Variants in RANBP2 observed in about 807,000 individuals in gnomAD.
RANBP2 encodes the protein RAN binding protein 2.
A neutral mutation model predicts 303.6 loss-of-function variants in RANBP2; 57 were observed. That is an observed-to-expected ratio of 0.19 (90% CI 0.15 to 0.23). RANBP2 has a LOEUF of 0.23. RANBP2 is among the 10% of genes least tolerant of loss of function. The pLI is 1.00. For missense variants in RANBP2, 3,138 were observed against 3,780.8 expected (o/e 0.83, Z 4.46); for synonymous variants, 1,167 against 1,301.5 (o/e 0.90, Z 2.23).
downstream of RANBP2, chr2:108,786,794 C>G (rs764575365): frequency 7.0e-5 from 109 of 1,563,128 alleles, no homozygotes; most frequent in Non-Finnish European, 7.8e-5. Flanking sequence ...ACGCGGTTCC[C>G]GGGGAGACTG....
the RANBP2 span, among the ~76,000 whole-genome samples, chr2:108,819,959 C>A: frequency 6.6e-6 from 1 of 152,070 alleles, no homozygotes; most frequent in Non-Finnish European, 1.5e-5. Flanking sequence ...GAAAATGATG[C>A]AAGAACAAAG....
chr2:109,360,285 A>C, the RANBP2 span, among the ~76,000 whole-genome samples: 40 of 152,304 alleles, frequency 2.6e-4, no homozygotes, highest in African/African-American at 9.4e-4. Flanking sequence ...TGTGTGAATA[A>C]TTGTAAGAAA....
the RANBP2 span, among the ~76,000 whole-genome samples, chr2:109,463,066 A>G: frequency 0.011 from 1,648 of 152,344 alleles, 38 homozygotes; most frequent in African/African-American, 0.038. Flanking sequence ...AAGAAGACCT[A>G]ACCTGTAAAT....
the RANBP2 span, among the ~76,000 whole-genome samples, chr2:109,189,534 A>G: frequency 6.6e-6 from 1 of 151,820 alleles, no homozygotes; most frequent in Non-Finnish European, 1.5e-5. Context: ...ACGCCCAGCT[A>G]ATTTTTGTAT....
In RANBP2 at chr2:108,770,141, T is replaced by A. The variant is rs1299535865; in HGVS notation, c.7850-1560T>A. 2.0e-5 allele frequency among the ~76,000 whole-genome samples: 3 copies of A among 152,238 alleles called. 1 individual carries two copies. Among genetic ancestry groups the A allele is most frequent in the Non-Finnish European group, 4.4e-5 (3 of 68,044 alleles). On this transcript the variant is annotated intron_variant, in intron 20 of 28. Transcript: ENST00000283195. The stretch of plus-strand genomic sequence containing the variant: ...AAGAATGAATGTGCCTATATACTAC[T>A]GTAGAACATAGAGCCTTATTTTGTT...
the RANBP2 span, among the ~76,000 whole-genome samples, chr2:109,408,876 T>C: frequency 2.0e-5 from 3 of 152,184 alleles, no homozygotes; most frequent in Non-Finnish European, 2.9e-5. Flanking sequence ...GTCCAGGGCC[T>C]TCCTACCATC....
the RANBP2 span, among the ~76,000 whole-genome samples, chr2:109,724,410 T>C: frequency 1.3e-3 from 205 of 152,286 alleles, no homozygotes; most frequent in African/African-American, 4.7e-3. Context: ...GCATGGAATG[T>C]TTTTCCATTT....
the RANBP2 span, among the ~76,000 whole-genome samples, chr2:109,721,101 C>G: frequency 6.6e-6 from 1 of 152,218 alleles, no homozygotes; most frequent in Non-Finnish European, 1.5e-5. Flanking sequence ...AACTGCATTT[C>G]TGGAACTGCC....
the RANBP2 span, among the ~76,000 whole-genome samples, chr2:109,734,906 G>A: frequency 6.6e-6 from 1 of 151,852 alleles, no homozygotes; most frequent in Non-Finnish European, 1.5e-5. Flanking sequence ...CATGTTTATG[G>A]GGTACAGTGT....
At chr2:109,294,187 T>C in the RANBP2 span, among the ~76,000 whole-genome samples, 33 of 152,206 alleles carry the variant, frequency 2.2e-4, no homozygotes, top group African/African-American at 7.7e-4. Context: ...AGGAGGAATT[T>C]GTATGTCACA....
the RANBP2 span, among the ~76,000 whole-genome samples, chr2:109,378,896 C>T: frequency 1.3e-5 from 2 of 152,224 alleles, no homozygotes. Context: ...CCCTGATCAG[C>T]TCTCAGCTGA....
At chr2:109,151,628 C>T in the RANBP2 span, among the ~76,000 whole-genome samples, 1 of 152,212 alleles carries the variant, frequency 6.6e-6, no homozygotes, top group South Asian at 2.1e-4. Flanking sequence ...GCCTGAAGCC[C>T]ATGTGTATTT....
At chr2:109,706,527 A>G in the RANBP2 span, among the ~76,000 whole-genome samples, 1 of 152,034 alleles carries the variant, frequency 6.6e-6, no homozygotes, top group Admixed American at 6.6e-5. Context: ...TGCCCTCCCC[A>G]AGGCCTCCAG....
chr2:109,181,735 C>T, the RANBP2 span, among the ~76,000 whole-genome samples: 3 of 152,174 alleles, frequency 2.0e-5, no homozygotes, highest in Admixed American at 6.5e-5. Flanking sequence ...CTTCTCCAGC[C>T]ATGGTAGTGG....
the RANBP2 span, among the ~76,000 whole-genome samples, chr2:109,629,196 C>T: frequency 4.4e-5 from 2 of 45,972 alleles, no homozygotes; most frequent in Non-Finnish European, 9.1e-5. Flanking sequence ...AGCAAGACTC[C>T]GTCTCAAAAA....
At chr2:109,230,935 G>T in the RANBP2 span, among the ~76,000 whole-genome samples, 1 of 152,220 alleles carries the variant, frequency 6.6e-6, no homozygotes, top group Non-Finnish European at 1.5e-5. Flanking sequence ...AAACAGGAAG[G>T]CAGGATAGGT....
the RANBP2 span, among the ~76,000 whole-genome samples, chr2:109,449,769 A>T: frequency 6.6e-6 from 1 of 152,228 alleles, no homozygotes; most frequent in African/African-American, 2.4e-5. Flanking sequence ...AAAATGCCTT[A>T]GTTCCATCTG....
the RANBP2 span, among the ~76,000 whole-genome samples, chr2:108,902,220 A>T: frequency 6.6e-6 from 1 of 151,988 alleles, no homozygotes; most frequent in African/African-American, 2.4e-5. Context: ...AAAAAAAAAA[A>T]AAAAATTAGC....
At chr2:109,622,925 C>T in the RANBP2 span, among the ~76,000 whole-genome samples, 2 of 152,064 alleles carry the variant, frequency 1.3e-5, no homozygotes, top group African/African-American at 2.4e-5. Context: ...GTCAGTAGTT[C>T]GAGACCAGCT....
Sources: gnomAD v4.1 joint callset for allele counts (sites outside exome capture counted in the v4.1 genomes callset) on GRCh38, gnomAD v4.1.1 for gene constraint, MANE v1.5 for transcripts, NCBI Gene and HGNC (gene_info 2026-07-23, HGNC 2026-07-21) for gene names.